Variants in KIF21B observed in about 807,000 individuals in gnomAD.
KIF21B encodes kinesin-like protein KIF21B.
A neutral mutation model predicts 192.9 loss-of-function variants in KIF21B; 85 were observed. That is an observed-to-expected ratio of 0.44 (90% CI 0.37 to 0.53). The LOEUF (loss-of-function observed/expected upper bound fraction) is 0.53. Ranked by LOEUF, KIF21B falls within the 20% of genes least tolerant of loss-of-function variation. KIF21B has a pLI of 0.00. For missense variants in KIF21B, 1,716 were observed against 2,194.8 expected (o/e 0.78, Z 4.36); for synonymous variants, 832 against 884.6 (o/e 0.94, Z 1.05).
At chr1:200,989,171 C>G (rs1656511559) in intron 21 of KIF21B, among the ~76,000 whole-genome samples, 1 of 152,200 alleles carries the variant, frequency 6.6e-6, no homozygotes, top group African/African-American at 2.4e-5. Context: ...CCCCAAAACT[C>G]ATATTCATCT....
rs1558005094 is a variant in KIF21B at position 200,987,208 on chromosome 1, A to G, written c.3409-7T>C. The G allele has an allele frequency of 5.0e-6, 8 of 1,610,908 alleles. No individual in the cohort carries two copies. The Admixed American group carries it at 1.3e-4, about 27-fold the overall frequency. On this transcript the variant is annotated splice_polypyrimidine_tract_variant and splice_region_variant and intron_variant, in intron 24 of 34. Coordinates refer to ENST00000461742, the MANE Select transcript of KIF21B (RefSeq NM_001252102.2). ...CAGACAGTTTGGGCTCGCTCTGGGA[A>G]AAGAAGAACAGGGTGGATCAACTTG... is the stretch of plus-strand genomic sequence containing the variant.
intron 14 of KIF21B, among the ~76,000 whole-genome samples, chr1:200,996,645 C>T (rs1657087005): frequency 6.6e-6 from 1 of 152,150 alleles, no homozygotes; most frequent in Non-Finnish European, 1.5e-5. Flanking sequence ...GATCTCTGAA[C>T]CCCTGGTCCC....
chr1:200,986,618 A>G (rs1656321807), intron 26 of KIF21B, among the ~76,000 whole-genome samples: 1 of 152,118 alleles, frequency 6.6e-6, no homozygotes, highest in South Asian at 2.1e-4. Flanking sequence ...TCAGCCTCCC[A>G]AAGTGCTGGG....
chr1:201,007,355 G>GACAC lies in KIF21B; in HGVS notation c.447+1410_447+1413dup, dbSNP rs1195343081. On this transcript the variant is annotated intron_variant, in intron 3 of 34. Transcript: ENST00000461742. ...ACACACACAGACACAGAGACACATAGACACACACACACACACAGAGACAGA... is the reference window on the plus strand; with the variant it reads ...ACACACACAGACACAGAGACACATAGACACACACACACACACACACAGAGACAGA... Among the ~76,000 whole-genome samples, 51 of 52,294 alleles carry GACAC rather than the reference G, an allele frequency of 9.8e-4. 10 individuals are homozygous for GACAC. The highest frequency in any genetic ancestry group is 5.4e-3 in the African/African-American group (46 of 8,554). 34.3% of individuals were successfully genotyped at this position (52,294 alleles called of 152,430 possible).
At chr1:200,989,246 C>G (rs757665291) in intron 21 of KIF21B, among the ~76,000 whole-genome samples, 68 of 152,302 alleles carry the variant, frequency 4.5e-4, no homozygotes, top group Non-Finnish European at 7.9e-4. Flanking sequence ...GGACTTCCTG[C>G]CCTCTCTTGT....
At chr1:201,003,354 A>T (rs1408313366) in intron 8 of KIF21B, 1 of 582,612 alleles carries the variant, frequency 1.7e-6, no homozygotes, top group African/African-American at 1.9e-5. Flanking sequence ...TGGACTTAGT[A>T]TTCTAAAATC....
chr1:200,977,077 C>T (rs1379842992), intron 31 of KIF21B, 135 bp downstream of exon 31: 5 of 1,127,924 alleles, frequency 4.4e-6, no homozygotes, highest in Non-Finnish European at 6.4e-6. Context: ...GGAGAGGGCA[C>T]AGGCCCAGCA....
intron 3 of KIF21B, 29 bp from the exon 4 acceptor site, chr1:201,005,723 T>A (rs375662690): frequency 6.2e-7 from 1 of 1,607,758 alleles, no homozygotes; most frequent in African/African-American, 1.3e-5. Flanking sequence ...GCTGAATTCA[T>A]AGGGCATTCA....
intron 15 of KIF21B, 24 bp from the exon 16 acceptor site, chr1:200,992,413 G>C (rs1656764138): frequency 1.2e-6 from 2 of 1,608,702 alleles, no homozygotes; most frequent in South Asian, 2.2e-5. Context: ...AGATTATGGT[G>C]GTGAGACAGG....
At chr1:201,005,725 G>A in intron 3 of KIF21B, 31 bp from the exon 4 acceptor site, 1 of 1,606,588 alleles carries the variant, frequency 6.2e-7, no homozygotes, top group Non-Finnish European at 8.5e-7. Flanking sequence ...TGAATTCATA[G>A]GGCATTCACT....
intron 30 of KIF21B, among the ~76,000 whole-genome samples, chr1:200,977,893 C>T (rs938584361): frequency 6.6e-6 from 1 of 151,036 alleles, no homozygotes; most frequent in African/African-American, 2.4e-5. Flanking sequence ...CGCCACCATC[C>T]CAAGCTGATT....
intron 14 of KIF21B, among the ~76,000 whole-genome samples, chr1:200,997,052 C>T (rs1657110926): frequency 6.6e-6 from 1 of 152,198 alleles, no homozygotes; most frequent in Admixed American, 6.5e-5. Flanking sequence ...TTCTCACCAC[C>T]TCCTAAGCCA....
intron 33 of KIF21B, 40 bp from the exon 34 acceptor site, chr1:200,974,953 A>G: frequency 6.3e-7 from 1 of 1,594,858 alleles, no homozygotes; most frequent in Non-Finnish European, 8.6e-7. Flanking sequence ...GGGGGAGGTG[A>G]TGAGGGAGAG....
Position 200,999,370 on chromosome 1 carries a change from C to A in KIF21B, c.1864G>T (p.Asp622Tyr), listed in dbSNP as rs767140551. Reference protein sequence around the residue: ...SGSEESLVDSDSDPEEKEVNF... With the variant: ...SGSEESLVDSYSDPEEKEVNF... ...GCACCCTTCTCCTCGGGGTCTGAGT[C>A]TGAGTCCACCAGGCTCTCTTCACTG... Residue 622 changes from aspartate (D) to tyrosine (Y), a missense_variant, in exon 13 of 35, where the codon GAC (aspartate) becomes TAC (tyrosine). Physicochemically the swap from Asp to Tyr is radical, Grantham distance 160. Transcript: ENST00000461742. This position sits in a 1 kb window ranked among gnomAD's most constrained non-coding sequence, Gnocchi z 4.7. 5.0e-6 allele frequency: 8 copies of A among 1,614,166 alleles called. No homozygotes were observed. The highest frequency in any genetic ancestry group is 5.9e-6 in the Non-Finnish European group (7 of 1,180,034).
chr1:201,000,998 T>G lies in KIF21B; in HGVS notation c.1403-218A>C, dbSNP rs1221495589. Among the ~76,000 whole-genome samples the G allele has an allele frequency of 1.3e-5, 2 of 151,400 alleles. No homozygotes were observed. The highest frequency in any genetic ancestry group is 4.9e-5 in the African/African-American group (2 of 41,100). On this transcript the variant is annotated intron_variant, in intron 9 of 34. Coordinates refer to ENST00000461742, the MANE Select transcript of KIF21B (RefSeq NM_001252102.2). This position sits in a 1 kb window ranked among gnomAD's most constrained non-coding sequence, Gnocchi z 6.0. ...GGCGCATGCCTCTAATCCCAGCTAC[T>G]CGGGACGCTGAGGCAGGAGAATCGC...
intron 34 of KIF21B, chr1:200,974,245 A>AAGGGG (rs892059400): frequency 3.3e-6 from 5 of 1,508,014 alleles, no homozygotes; most frequent in Admixed American, 4.6e-5. Flanking sequence ...AGGAGATGGG[A>AAGGGG]AGGGGAGGGG....
At position 200,987,029 on chromosome 1, in the gene KIF21B, C is replaced by G; in HGVS notation, c.3581G>C (p.Arg1194Pro). The G allele has an allele frequency of 6.2e-7, 1 of 1,614,048 alleles. No homozygotes were observed. The highest frequency in any genetic ancestry group is 8.5e-7 in the Non-Finnish European group (1 of 1,180,014). The change falls in exon 25 of 35, where the codon CGC (arginine) becomes CCC (proline). Residue 1194 changes from arginine to proline, a missense_variant. Coordinates refer to ENST00000461742, the MANE Select transcript of KIF21B (RefSeq NM_001252102.2). ...GCCCCGGGTAGGCAGACTGACGGTG[C>G]GCGAGACCCTGTCCCGGTAATAGGG... ...RDPYYRDRVS[R>P]TVSLPTRGST...
chr1:200,974,896 GTGC>G lies in KIF21B; in HGVS notation c.4629_4631del (p.His1544del). On this transcript the variant is annotated inframe_deletion, in exon 34 of 35. Coordinates refer to ENST00000461742, the MANE Select transcript of KIF21B (RefSeq NM_001252102.2). ...AGGCCAGGGCGCACACCCAGTCCTT[GTGC>G]GCATTGGGGATTTGCTGTGAGAGGA... 6.2e-7 allele frequency: 1 copy of G among 1,613,908 alleles called. No individual in the cohort carries two copies. Among genetic ancestry groups the G allele is most frequent in the South Asian group, 1.1e-5 (1 of 91,080 alleles).
At position 200,988,704 on chromosome 1, in the gene KIF21B, T is replaced by C. The variant is rs545175932; in HGVS notation, c.3298+62A>G. The C allele has an allele frequency of 2.6e-6, 4 of 1,558,250 alleles. No individual in the cohort carries two copies. In the African/African-American group the frequency reaches 4.1e-5, roughly 16 times the overall value. The stretch of plus-strand genomic sequence containing the variant: ...TGGGGAAGTGAGGGCCTTGTGGGGG[T>C]CTGAGCCCAAGAGCACTGGAATGCC... On this transcript the variant is annotated intron_variant, in intron 22 of 34. Coordinates refer to ENST00000461742, the MANE Select transcript of KIF21B (RefSeq NM_001252102.2).
Sources: gnomAD v4.1 joint callset for allele counts (sites outside exome capture counted in the v4.1 genomes callset) on GRCh38, gnomAD v4.1.1 for gene constraint, Gnocchi (gnomAD v3.1) non-coding constraint, MANE v1.5 for transcripts, NCBI Gene and HGNC (gene_info 2026-07-23, HGNC 2026-07-21) for gene names.